PRSS37: variants seen among roughly 807,000 people sequenced by gnomAD.
PRSS37 encodes probable inactive serine protease 37.
In PRSS37, 25 loss-of-function variants were observed where a neutral mutation model predicts 28.0. The ratio of observed to expected loss-of-function variants is 0.89; its 90% CI spans 0.65 to 1.25. The LOEUF (loss-of-function observed/expected upper bound fraction) is 1.25. Among genes scored for constraint, PRSS37 ranks in the 50% most tolerant of loss-of-function variants. PRSS37 has a pLI of 0.00. For synonymous variants in PRSS37, 109 were observed against 107.8 expected (o/e 1.01, Z -0.07); for missense variants, 282 against 292.2 (o/e 0.97, Z 0.25).
chr7:141,836,462 T>TC lies in PRSS37; in HGVS notation c.640dup (p.Asp214GlyfsTer16). Reference sequence around the variant, plus strand: ...GTAAACATTGGTGTAGATGCCGACGTCCCCTCCCATGAAGTGCCCCACCTC... The same window carrying TC: ...GTAAACATTGGTGTAGATGCCGACGTCCCCCTCCCATGAAGTGCCCCACCTC... On this transcript the variant is annotated frameshift_variant, in exon 5 of 5. Transcript: ENST00000350549. LOFTEE classifies it high-confidence loss of function. 1 of 1,610,464 alleles carries TC rather than the reference T, an allele frequency of 6.2e-7. No individual in the cohort carries two copies. The highest frequency in any genetic ancestry group is 8.5e-7 in the Non-Finnish European group (1 of 1,178,544).
At chr7:141,837,282 T>C (rs1488406465) in intron 3 of PRSS37, 34 bp from the exon 4 acceptor site, 1 of 1,566,272 alleles carries the variant, frequency 6.4e-7, no homozygotes, top group African/African-American at 1.4e-5. Context: ...AAACATCCTG[T>C]TGACAGTGGT....
At position 141,840,996 on chromosome 7, in the gene PRSS37, A is replaced by G. The variant is rs772250695; in HGVS notation, c.34+20T>C. On this transcript the variant is annotated intron_variant, in intron 1 of 4. Transcript: ENST00000350549. ...TAAACTGTGCCTTACAGGACAGAGTACAAGGTCTTGAGTACATACCAGCGA... is the reference window on the plus strand; with the variant it reads ...TAAACTGTGCCTTACAGGACAGAGTGCAAGGTCTTGAGTACATACCAGCGA... The G allele has an allele frequency of 5.0e-6, 8 of 1,612,478 alleles. No individual in the cohort carries two copies. The highest frequency in any genetic ancestry group is 5.9e-6 in the Non-Finnish European group (7 of 1,178,648).
At position 141,837,813 on chromosome 7, in the gene PRSS37, C is replaced by G. The variant is rs764620590; in HGVS notation, c.430+47G>C. The G allele has an allele frequency of 2.5e-6, 4 of 1,584,370 alleles. No individual in the cohort carries two copies. In the Admixed American group the frequency reaches 6.8e-5, roughly 27 times the overall value. On this transcript the variant is annotated intron_variant, in intron 3 of 4. Transcript: ENST00000350549. The stretch of plus-strand genomic sequence containing the variant: ...AGCTATGAGGATATGGATGTTCCTC[C>G]TAAAGGACAACTGATGACCCTGATT...
At chr7:141,836,825 G>C (rs1461668407) in intron 4 of PRSS37, among the ~76,000 whole-genome samples, 1 of 152,140 alleles carries the variant, frequency 6.6e-6, no homozygotes, top group African/African-American at 2.4e-5. Flanking sequence ...TTTGTGAAAA[G>C]TCTGATTTAT....
At position 141,839,437 on chromosome 7, in the gene PRSS37, G is replaced by A. The variant is rs770266372; in HGVS notation, c.77C>T (p.Pro26Leu). The A allele has an allele frequency of 2.0e-5, 32 of 1,613,546 alleles. No homozygotes were observed. In the African/African-American group the frequency reaches 4.1e-4, roughly 21 times the overall value. The change falls in exon 2 of 5, where the codon CCT (proline) becomes CTT (leucine). Residue 26 changes from proline (P) to leucine (L), a missense_variant. Coordinates refer to ENST00000350549, the MANE Select transcript of PRSS37 (RefSeq NM_001008270.3). ...CTTGAGGTACACCAAATAGGGAGCA[G>A]GGTCTTCTTTCTGAACAGATGAGTC... ...FADSSVQKED[P>L]APYLVYLKSH...
chr7:141,839,345 A>G lies in PRSS37; in HGVS notation c.169T>C (p.Tyr57His). 6.2e-7 allele frequency: 1 copy of G among 1,613,812 alleles called. No homozygotes were observed. Among genetic ancestry groups the G allele is most frequent in the Non-Finnish European group, 8.5e-7 (1 of 1,179,812 alleles). ...GATGCCCAAATACTCAACGGTAAAT[A>G]GCAGTGAGCTGGGGCCAGCACCCAG... Reference protein sequence around the residue: ...PSWVLAPAHCYLPNLKVMLGN... With the variant: ...PSWVLAPAHCHLPNLKVMLGN... The change falls in exon 2 of 5, where the codon TAT (tyrosine) becomes CAT (histidine). Residue 57 changes from tyrosine to histidine, a missense_variant. Transcript: ENST00000350549.
intron 2 of PRSS37, 145 bp downstream of exon 2, chr7:141,839,193 A>G (rs1202231807): frequency 4.1e-6 from 3 of 734,394 alleles, no homozygotes; most frequent in Non-Finnish European, 6.9e-6. Flanking sequence ...TTAGATGCCA[A>G]TAGCACTGCC....
In PRSS37 at chr7:141,837,116, A is replaced by G. The variant is rs761778137; in HGVS notation, c.563T>C (p.Phe188Ser). The change falls in exon 4 of 5, where the codon TTT becomes TCT. Residue 188 changes from phenylalanine (F) to serine (S), a missense_variant. Physicochemically the swap from Phe to Ser is radical, Grantham distance 155 (BLOSUM62 -2). Coordinates refer to ENST00000350549, the MANE Select transcript of PRSS37 (RefSeq NM_001008270.3). ...TGAATATAGAGATAAGATTACCCCA[A>G]AAATTCGGCTGAATACTTTCACAAA... ...VKFVKVFSRI[F>S]GEVAVATVIC... is the part of the protein sequence containing the mutation. 1 of 1,612,756 alleles carries G rather than the reference A, an allele frequency of 6.2e-7. No individual in the cohort carries two copies. Among genetic ancestry groups the G allele is most frequent in the Admixed American group, 1.7e-5 (1 of 59,632 alleles).
chr7:141,837,127 G>A lies in PRSS37; in HGVS notation c.552C>T (p.Phe184=). The change falls in exon 4 of 5, where the codon TTC becomes TTT. Residue 184 remains phenylalanine, a synonymous_variant. Transcript: ENST00000350549. ...NSLCVKFVKV[F]SRIFGEVAVA... The stretch of plus-strand genomic sequence containing the variant: ...ATAAGATTACCCCAAAAATTCGGCT[G>A]AATACTTTCACAAATTTCACACATA... 1.2e-6 allele frequency: 2 copies of A among 1,612,442 alleles called. No individual in the cohort carries two copies. Among genetic ancestry groups the A allele is most frequent in the Non-Finnish European group, 1.7e-6 (2 of 1,179,568 alleles).
intron 1 of PRSS37, among the ~76,000 whole-genome samples, chr7:141,840,669 T>G (rs2117273424): frequency 6.6e-6 from 1 of 152,322 alleles, no homozygotes; most frequent in East Asian, 1.9e-4. Flanking sequence ...AATTCTGCTG[T>G]CAGAAGAACC....
intron 2 of PRSS37, 136 bp downstream of exon 2, chr7:141,839,202 C>T: frequency 1.3e-6 from 1 of 787,850 alleles, no homozygotes; most frequent in Non-Finnish European, 2.1e-6. Context: ...AATAGCACTG[C>T]CCCCTGGTTG....
chr7:141,839,097 G>A (rs1801072589), intron 2 of PRSS37: 3 of 632,070 alleles, frequency 4.7e-6, no homozygotes, highest in African/African-American at 1.8e-5. Flanking sequence ...CACTATTGCT[G>A]TTCTGGGCTG....
intron 1 of PRSS37, among the ~76,000 whole-genome samples, chr7:141,839,779 C>A (rs912431972): frequency 1.3e-5 from 2 of 151,970 alleles, no homozygotes; most frequent in African/African-American, 4.8e-5. Context: ...AAACAGGCAT[C>A]AAGAATCATA....
intron 4 of PRSS37, among the ~76,000 whole-genome samples, 173 bp from the exon 5 acceptor site, chr7:141,836,708 G>C (rs1203989706): frequency 1.3e-5 from 2 of 152,154 alleles, no homozygotes; most frequent in Non-Finnish European, 2.9e-5. Flanking sequence ...TCATTTTGCT[G>C]TAATTAGCTT....
At chr7:141,838,562 G>A in intron 2 of PRSS37, 1 of 623,490 alleles carries the variant, frequency 1.6e-6, no homozygotes, top group Non-Finnish European at 2.1e-6. Flanking sequence ...GGACATATAT[G>A]GATTTAATCA....
At chr7:141,838,825 G>A in intron 2 of PRSS37, 1 of 360,946 alleles carries the variant, frequency 2.8e-6, no homozygotes, top group Non-Finnish European at 5.4e-6. Flanking sequence ...TTTAGGCCTA[G>A]AGGTGGTAAC....
intron 2 of PRSS37, chr7:141,838,789 T>C (rs1801059354): frequency 3.0e-6 from 1 of 336,864 alleles, no homozygotes; most frequent in South Asian, 2.4e-5. Flanking sequence ...CTTGCCTCCT[T>C]TGAAATTATC....
chr7:141,836,376 C>A lies in PRSS37; in HGVS notation c.*19G>T, dbSNP rs1800952162. The A allele has an allele frequency of 1.6e-5, 25 of 1,612,468 alleles. No homozygotes were observed. The highest frequency in any genetic ancestry group is 2.0e-5 in the Non-Finnish European group (23 of 1,178,866). Reference sequence around the variant, plus strand: ...AGTCCATGGCAGAGCCAGTGGAATGCAGAGGGAGAAGTAGGGTCTCACTTG... The same window carrying A: ...AGTCCATGGCAGAGCCAGTGGAATGAAGAGGGAGAAGTAGGGTCTCACTTG... On this transcript the variant is annotated 3_prime_UTR_variant, in exon 5 of 5. Coordinates refer to ENST00000350549, the MANE Select transcript of PRSS37 (RefSeq NM_001008270.3).
At chr7:141,838,803 T>G (rs1801059720) in intron 2 of PRSS37, 1 of 339,966 alleles carries the variant, frequency 2.9e-6, no homozygotes, top group African/African-American at 2.2e-5. Context: ...AATTATCTTC[T>G]CCTCTTGCCT....
Sources: allele counts gnomAD v4.1 joint callset (sites outside exome capture counted in the v4.1 genomes callset), GRCh38; gene constraint gnomAD v4.1.1; transcripts MANE v1.5; gene names NCBI Gene and HGNC (gene_info 2026-07-23, HGNC 2026-07-21).